Variants in MACROD2 observed in about 807,000 individuals in gnomAD.
MACROD2 encodes the protein ADP-ribose glycohydrolase MACROD2.
Under a neutral mutation model 70.4 loss-of-function variants are expected in MACROD2, and 36 were observed. The ratio of observed to expected loss-of-function variants is 0.51; its 90% confidence interval spans 0.39 to 0.68. The LOEUF (loss-of-function observed/expected upper bound fraction) is 0.68. Among genes scored for constraint, MACROD2 ranks in the 30% least tolerant of loss-of-function variants. The pLI is 0.00. For synonymous variants in MACROD2, 172 were observed against 178.8 expected, an observed-to-expected ratio of 0.96 and a Z score of 0.30; for missense variants, 496 against 538.4, an observed-to-expected ratio of 0.92 and a Z score of 0.78.
At chr20:14,034,444 G>A (rs1399699457) in intron 2 of MACROD2, among the ~76,000 whole-genome samples, 2 of 152,124 alleles carry the variant, frequency 1.3e-5, no homozygotes, top group African/African-American at 4.8e-5. Context: ...TTGTGTTTAT[G>A]TCTGTAAGAA....
intron 5 of MACROD2, among the ~76,000 whole-genome samples, chr20:14,810,995 T>A (rs996250915): frequency 6.6e-6 from 1 of 152,108 alleles, no homozygotes; most frequent in African/African-American, 2.4e-5. Flanking sequence ...ATCAATATCA[T>A]GAAAATGGCC....
chr20:15,607,527 T>C (rs911901554), intron 8 of MACROD2, among the ~76,000 whole-genome samples: 11 of 152,062 alleles, frequency 7.2e-5, no homozygotes, highest in African/African-American at 2.6e-4. Flanking sequence ...GTAGAGATGT[T>C]TGTTTGTTTA....
intron 8 of MACROD2, among the ~76,000 whole-genome samples, chr20:15,747,973 G>A (rs763021891): frequency 6.6e-6 from 1 of 151,980 alleles, no homozygotes. Context: ...TTTGTCCTCT[G>A]CAGATATTTT....
intron 3 of MACROD2, among the ~76,000 whole-genome samples, chr20:14,303,215 A>G (rs1300495230): frequency 6.6e-6 from 1 of 152,086 alleles, no homozygotes; most frequent in African/African-American, 2.4e-5. Flanking sequence ...GCATTTTTTC[A>G]ATGAAACTGA....
intron 10 of MACROD2, among the ~76,000 whole-genome samples, chr20:15,914,083 A>T (rs1244139495): frequency 6.6e-6 from 1 of 152,226 alleles, no homozygotes; most frequent in African/African-American, 2.4e-5. Context: ...GTAATAAAAC[A>T]TTGTTCTCCA....
rs34190778 is a variant in MACROD2 at position 14,515,463 on chromosome 20, A to ACACACACACGCGCGCGCGCG, written c.301+21956_301+21957insACACACACGCGCGCGCGCGC. 5.6e-3 allele frequency among the ~76,000 whole-genome samples: 781 copies of ACACACACACGCGCGCGCGCG among 138,892 alleles called. 11 individuals are homozygous for ACACACACACGCGCGCGCGCG. The highest frequency in any genetic ancestry group is 0.021 in the African/African-American group (743 of 35,016). 91.1% of individuals were successfully genotyped at this position (138,892 alleles called of 152,430 possible). On this transcript the variant is annotated intron_variant, in intron 4 of 17. Coordinates refer to ENST00000684519, the MANE Select transcript of MACROD2 (RefSeq NM_001351661.2). ...TAAAGAATATGTGAGATACACACAC[A>ACACACACACGCGCGCGCGCG]CGCACACACACACACACACACACAC... is the stretch of plus-strand genomic sequence containing the variant.
intron 5 of MACROD2, among the ~76,000 whole-genome samples, chr20:15,148,388 G>A (rs1157995430): frequency 6.6e-6 from 1 of 151,996 alleles, no homozygotes; most frequent in African/African-American, 2.4e-5. Context: ...GAGGACCTAG[G>A]ACATCTAATT....
chr20:14,748,842 C>T (rs138955114), intron 5 of MACROD2, among the ~76,000 whole-genome samples: 2 of 152,160 alleles, frequency 1.3e-5, no homozygotes, highest in Admixed American at 1.3e-4. Flanking sequence ...GAACAGTCAG[C>T]ATCTCTGCCA....
chr20:15,317,493 C>T (rs184731992), intron 6 of MACROD2, among the ~76,000 whole-genome samples: 4 of 140,534 alleles, frequency 2.8e-5, no homozygotes, highest in African/African-American at 5.3e-5. Flanking sequence ...ATCTATCTAT[C>T]TATCTATCTA....
intron 5 of MACROD2, among the ~76,000 whole-genome samples, chr20:14,728,450 A>G (rs1267826327): frequency 1.3e-5 from 2 of 152,204 alleles, no homozygotes; most frequent in Admixed American, 1.3e-4. Flanking sequence ...CGTAATAGCT[A>G]AATGTTAAAG....
intron 2 of MACROD2, among the ~76,000 whole-genome samples, chr20:14,056,030 G>A (rs2053627851): frequency 6.6e-6 from 1 of 151,864 alleles, no homozygotes; most frequent in African/African-American, 2.4e-5. Context: ...ATTGTAAATG[G>A]GTAATATATG....
At chr20:14,953,262 T>C (rs2074489830) in intron 5 of MACROD2, among the ~76,000 whole-genome samples, 1 of 152,142 alleles carries the variant, frequency 6.6e-6, no homozygotes, top group South Asian at 2.1e-4. Context: ...CATAAAGTTG[T>C]GACCTTAAAG....
At chr20:15,134,548 T>C (rs2123286070) in intron 5 of MACROD2, among the ~76,000 whole-genome samples, 1 of 152,100 alleles carries the variant, frequency 6.6e-6, no homozygotes, top group Non-Finnish European at 1.5e-5. Flanking sequence ...TACCAGAATC[T>C]CTGGGACACA....
intron 8 of MACROD2, among the ~76,000 whole-genome samples, chr20:15,677,678 A>ACCAT (rs201994630): frequency 0.052 from 1,096 of 21,012 alleles, 11 homozygotes; most frequent in African/African-American, 0.17. Flanking sequence ...CAACCAACCA[A>ACCAT]CCAACCAACC....
intron 8 of MACROD2, among the ~76,000 whole-genome samples, chr20:15,716,956 A>T (rs533090602): frequency 7.2e-5 from 11 of 152,316 alleles, no homozygotes; most frequent in Admixed American, 1.3e-4. Context: ...TTTCTTGTGG[A>T]CAGCTTCCTC....
At chr20:14,099,102 A>C in intron 3 of MACROD2, among the ~76,000 whole-genome samples, 1 of 152,220 alleles carries the variant, frequency 6.6e-6, no homozygotes, top group African/African-American at 2.4e-5. Context: ...ACATGGTGAA[A>C]CTCCATCTCT....
chr20:14,893,872 C>G (rs1215350061), intron 5 of MACROD2: 1 of 152,082 alleles, frequency 6.6e-6, no homozygotes, highest in East Asian at 1.9e-4. Flanking sequence ...ATAGCCTTGA[C>G]CTCCTGGACT....
chr20:15,683,548 G>A (rs1313442961), intron 8 of MACROD2, among the ~76,000 whole-genome samples: 2 of 152,112 alleles, frequency 1.3e-5, no homozygotes, highest in African/African-American at 4.8e-5. Flanking sequence ...GGGACCCAGA[G>A]CAAGTCATTT....
intron 7 of MACROD2, among the ~76,000 whole-genome samples, chr20:15,451,417 TAAAAAAAAA>T (rs35308671): frequency 1.6e-4 from 13 of 83,380 alleles, no homozygotes; most frequent in South Asian, 1.1e-3. Flanking sequence ...GGGTGGTAAA[TAAAAAAAAA>T]AAAAAAAAAA....
Sources: gnomAD v4.1 joint callset for allele counts (sites outside exome capture counted in the v4.1 genomes callset) on GRCh38, gnomAD v4.1.1 for gene constraint, MANE v1.5 for transcripts, NCBI Gene and HGNC (gene_info 2026-07-23, HGNC 2026-07-21) for gene names.